The following ARMC9 variants were observed in gnomAD, a reference collection of about 807,000 sequenced individuals.
The protein encoded by ARMC9 is lisH domain-containing protein ARMC9.
In ARMC9, 94 loss-of-function variants were observed where a neutral mutation model predicts 107.0. The observed-to-expected ratio is 0.88, with a 90% confidence interval of 0.74 to 1.04. ARMC9 has a LOEUF of 1.04. ARMC9 is among the 50% of genes least tolerant of loss of function. The probability of loss-of-function intolerance (pLI) is 0.00; values close to 1 mark genes in which losing one functional copy is unlikely to be tolerated. For missense variants in ARMC9, 942 were observed against 1,030.1 expected, an observed-to-expected ratio of 0.91 and a Z score of 1.17; for synonymous variants, 380 against 396.9, an observed-to-expected ratio of 0.96 and a Z score of 0.51.
intron 11 of ARMC9, among the ~76,000 whole-genome samples, chr2:231,261,292 T>C (rs2038316583): frequency 1.3e-5 from 2 of 152,236 alleles, no homozygotes; most frequent in Non-Finnish European, 2.9e-5. Context: ...ATACATGCTC[T>C]CCACACGAAA....
chr2:231,251,353 G>C (rs1316869735), intron 9 of ARMC9, among the ~76,000 whole-genome samples: 1 of 151,782 alleles, frequency 6.6e-6, no homozygotes, highest in Non-Finnish European at 1.5e-5. Context: ...TTTTAGTAGA[G>C]ATGGGGTTTC....
At chr2:231,216,950 C>T (rs956881569) in intron 5 of ARMC9, among the ~76,000 whole-genome samples, 157 bp downstream of exon 5, 9 of 152,148 alleles carry the variant, frequency 5.9e-5, no homozygotes, top group African/African-American at 2.2e-4. Context: ...TAGTCAGTCT[C>T]CTATTGGATG....
rs375453476 is a variant in ARMC9 at position 231,376,436 on chromosome 2, G to A, written c.*4901G>A. On this transcript the variant is annotated 3_prime_UTR_variant, in exon 25 of 25. Transcript: ENST00000611582. ...GAACTGGCCCCCCTCCCCCGGGGGC[G>A]TGGTCGTCTCTTATGGTCGAGGCTG... is the stretch of plus-strand genomic sequence containing the variant. 2.0e-5 allele frequency among the ~76,000 whole-genome samples: 3 copies of A among 152,050 alleles called. No individual in the cohort carries two copies. Among genetic ancestry groups the A allele is most frequent in the African/African-American group, 4.8e-5 (2 of 41,382 alleles).
At chr2:231,261,971 C>T (rs1440376758) in intron 11 of ARMC9, among the ~76,000 whole-genome samples, 12 of 106 alleles carry the variant, frequency 0.11, no homozygotes, top group East Asian at 0.25. Flanking sequence ...TACAGGCGCC[C>T]GCACCACACC....
chr2:231,218,505 T>C lies in ARMC9; in HGVS notation c.504+1712T>C, dbSNP rs575101585. Among the ~76,000 whole-genome samples, 7 of 152,272 alleles carry C rather than the reference T, an allele frequency of 4.6e-5. No individual in the cohort carries two copies. In the East Asian group the frequency reaches 1.2e-3, roughly 25 times the overall value. ...TCTGGCATAGTGGCATAGATAAAGC[T>C]TGGATCCAGGTGGCAGTAGAGCTGG... On this transcript the variant is annotated intron_variant, in intron 5 of 24. Coordinates refer to ENST00000611582, the MANE Select transcript of ARMC9 (RefSeq NM_001352754.2).
At chr2:231,355,228 A>C (rs1181800921) in intron 21 of ARMC9, among the ~76,000 whole-genome samples, 1 of 151,962 alleles carries the variant, frequency 6.6e-6, no homozygotes, top group Non-Finnish European at 1.5e-5. Context: ...AGTCCCAGCT[A>C]CTCCAGAGGC....
intron 15 of ARMC9, among the ~76,000 whole-genome samples, chr2:231,277,933 A>G (rs751489427): frequency 5.9e-5 from 9 of 152,198 alleles, no homozygotes; most frequent in Non-Finnish European, 1.2e-4. Context: ...CCATATTTGC[A>G]GTGATTTTTA....
At chr2:231,282,662 A>G (rs543000470) in intron 17 of ARMC9, among the ~76,000 whole-genome samples, 1 of 152,342 alleles carries the variant, frequency 6.6e-6, no homozygotes, top group South Asian at 2.1e-4. Flanking sequence ...GAAAGGATTA[A>G]ATATATTTCC....
intron 5 of ARMC9, among the ~76,000 whole-genome samples, chr2:231,220,154 A>G (rs1447267639): frequency 2.0e-5 from 3 of 152,004 alleles, no homozygotes; most frequent in Non-Finnish European, 2.9e-5. Context: ...CCCTCCAGCT[A>G]TGTTTAGTCT....
chr2:231,374,101 C>G lies in ARMC9; in HGVS notation c.*2566C>G, dbSNP rs915112205. The G allele has an allele frequency of 6.6e-6, 1 of 152,138 alleles. No homozygotes were observed. The highest frequency in any genetic ancestry group is 1.5e-5 in the Non-Finnish European group (1 of 68,028). The allele number at this position is 152,138 out of a possible 1,614,324, so 9.4% of individuals were successfully genotyped here. A position where few individuals can be genotyped will look rare whatever the true frequency, so the allele number is the denominator to read the frequency against. ...ATTCACAAATATTCCAACTATCTAC[C>G]AGCTCCAATGAGCTTGCTGAGGATG... On this transcript the variant is annotated 3_prime_UTR_variant, in exon 25 of 25. Coordinates refer to ENST00000611582, the MANE Select transcript of ARMC9 (RefSeq NM_001352754.2).
Position 231,372,699 on chromosome 2 carries a change from G to GGGGT in ARMC9, c.*1165_*1166insGGTG, listed in dbSNP as rs1233196380. On this transcript the variant is annotated 3_prime_UTR_variant, in exon 25 of 25. Coordinates refer to ENST00000611582, the MANE Select transcript of ARMC9 (RefSeq NM_001352754.2). ...CAAATAAAACCCATCAGTATTTAGT[G>GGGGT]GTGTGTGTGTGTGTGTGTGTGTGTG... 3.1e-5 allele frequency: 4 copies of GGGGT among 127,676 alleles called. No homozygotes were observed. Among genetic ancestry groups the GGGGT allele is most frequent in the Non-Finnish European group, 6.6e-5 (4 of 60,668 alleles). The allele number at this position is 127,676 out of a possible 1,614,324, so 7.9% of individuals were successfully genotyped here. A position where few individuals can be genotyped will look rare whatever the true frequency, so the allele number is the denominator to read the frequency against.
chr2:231,313,318 G>A (rs1559447386), intron 19 of ARMC9, among the ~76,000 whole-genome samples: 1 of 152,120 alleles, frequency 6.6e-6, no homozygotes. Context: ...TGCATGACAT[G>A]TTTTATTCTT....
At chr2:231,239,366 C>T (rs7573577) in intron 8 of ARMC9, among the ~76,000 whole-genome samples, 40,670 of 152,078 alleles carry the variant, frequency 0.27, 5,637 homozygotes, top group African/African-American at 0.31. Flanking sequence ...GCAGCTCAGC[C>T]GCACGTTGTC....
chr2:231,360,515 A>T lies in ARMC9; in HGVS notation c.2132-239A>T, dbSNP rs2125593562. Among the ~76,000 whole-genome samples the T allele has an allele frequency of 6.6e-6, 1 of 152,158 alleles. No homozygotes were observed. The highest frequency in any genetic ancestry group is 2.1e-4 in the South Asian group (1 of 4,824). ...CCAGGAAGGCTGAGCGGCCAGGGTG[A>T]TCTGAACCTCCCTGGGCTGTGCCTG... On this transcript the variant is annotated intron_variant, in intron 22 of 24. Coordinates refer to ENST00000611582, the MANE Select transcript of ARMC9 (RefSeq NM_001352754.2). This position sits in a 1 kb window ranked among gnomAD's most constrained non-coding sequence, Gnocchi z 4.7.
chr2:231,339,016 G>A (rs1426733950), intron 20 of ARMC9, among the ~76,000 whole-genome samples: 1 of 152,144 alleles, frequency 6.6e-6, no homozygotes, highest in Non-Finnish European at 1.5e-5. Flanking sequence ...GTAATGCCCT[G>A]TAAATCTTTT....
intron 19 of ARMC9, among the ~76,000 whole-genome samples, chr2:231,331,196 G>T (rs555689493): frequency 9.9e-5 from 15 of 152,200 alleles, no homozygotes; most frequent in African/African-American, 3.4e-4. Context: ...GGGTCTCAAG[G>T]CCCCTAGGCA....
At chr2:231,338,240 A>G (rs1046584896) in intron 20 of ARMC9, among the ~76,000 whole-genome samples, 1 of 149,316 alleles carries the variant, frequency 6.7e-6, no homozygotes, top group Non-Finnish European at 1.5e-5. Context: ...TTTTTTTTTA[A>G]AACAGTCTTG....
Position 231,372,352 on chromosome 2 carries a change from G to C in ARMC9, c.*817G>C, listed in dbSNP as rs1255194947. ...CCACTGCACTCTAGCCTGGGTGACA[G>C]AGCGAGACTCCGTCCCCAAAAAAAA... On this transcript the variant is annotated 3_prime_UTR_variant, in exon 25 of 25. Coordinates refer to ENST00000611582, the MANE Select transcript of ARMC9 (RefSeq NM_001352754.2). 1 of 152,308 alleles carries C rather than the reference G, an allele frequency of 6.6e-6. No individual in the cohort carries two copies. The allele number at this position is 152,308 out of a possible 1,614,324, so 9.4% of individuals were successfully genotyped here.
At chr2:231,217,403 G>A (rs1461688899) in intron 5 of ARMC9, among the ~76,000 whole-genome samples, 1 of 152,050 alleles carries the variant, frequency 6.6e-6, no homozygotes. Context: ...GGCCAACATG[G>A]GGAGACCCCG....
Sources: gnomAD v4.1 joint callset for allele counts (sites outside exome capture counted in the v4.1 genomes callset) on GRCh38, gnomAD v4.1.1 for gene constraint, Gnocchi (gnomAD v3.1) non-coding constraint, MANE v1.5 for transcripts, NCBI Gene and HGNC (gene_info 2026-07-23, HGNC 2026-07-21) for gene names.